OSBPL1A: variants seen among roughly 807,000 people sequenced by gnomAD.
OSBPL1A encodes the protein oxysterol binding protein like 1A, also known as oxysterol-binding protein-related protein 1.
Under a neutral mutation model 137.1 loss-of-function variants are expected in OSBPL1A, and 80 were observed. That is an observed-to-expected ratio of 0.58 (90% CI 0.49 to 0.70). OSBPL1A has a LOEUF of 0.70. OSBPL1A is among the 30% of genes least tolerant of loss of function. The pLI, the probability that OSBPL1A is intolerant of heterozygous loss-of-function variation, is 0.00. For missense variants in OSBPL1A, 970 were observed against 1,129.4 expected (o/e 0.86, Z 2.02); for synonymous variants, 365 against 389.7 (o/e 0.94, Z 0.75).
At chr18:24,394,879 C>A (rs949822544) in intron 1 of OSBPL1A, among the ~76,000 whole-genome samples, 2 of 152,112 alleles carry the variant, frequency 1.3e-5, no homozygotes, top group Admixed American at 1.3e-4. Flanking sequence ...GTAAAGTGAG[C>A]GACCTAGTTT....
At chr18:24,368,224 T>A in intron 3 of OSBPL1A, 63 bp downstream of exon 3, 1 of 1,331,220 alleles carries the variant, frequency 7.5e-7, no homozygotes, top group South Asian at 1.3e-5. Flanking sequence ...AAGACTTTCA[T>A]CTTAAAATTT....
At chr18:24,190,853 A>G (rs889971421) in intron 18 of OSBPL1A, among the ~76,000 whole-genome samples, 2 of 152,226 alleles carry the variant, frequency 1.3e-5, no homozygotes, top group Non-Finnish European at 2.9e-5. Context: ...CCCTTCTGAC[A>G]GTTACTCTGA....
At chr18:24,338,401 A>G (rs1349393366) in intron 5 of OSBPL1A, among the ~76,000 whole-genome samples, 2 of 152,078 alleles carry the variant, frequency 1.3e-5, no homozygotes, top group Admixed American at 6.6e-5. Flanking sequence ...AAATAAAAAG[A>G]CAAGATGTAG....
chr18:24,243,597 C>G (rs776574569), intron 15 of OSBPL1A, among the ~76,000 whole-genome samples: 2 of 152,174 alleles, frequency 1.3e-5, no homozygotes, highest in Non-Finnish European at 2.9e-5. Context: ...GCAATCTACC[C>G]GTTACCCACC....
rs192457061 is a variant in OSBPL1A at position 24,226,441 on chromosome 18, C to A, written c.1445-1243G>T. 3.9e-5 allele frequency among the ~76,000 whole-genome samples: 6 copies of A among 152,136 alleles called. 1 individual carries two copies. Among genetic ancestry groups the A allele is most frequent in the Admixed American group, 3.9e-4 (6 of 15,292 alleles). On this transcript the variant is annotated intron_variant, in intron 16 of 27. Transcript: ENST00000319481. Reference sequence around the variant, plus strand: ...TTTTCATTAAAATGGAAATTCACGACGACCTCCAACTTCCCATCTTAAGCA... The same window carrying A: ...TTTTCATTAAAATGGAAATTCACGAAGACCTCCAACTTCCCATCTTAAGCA...
intron 16 of OSBPL1A, among the ~76,000 whole-genome samples, chr18:24,236,447 G>A (rs2088479299): frequency 1.3e-5 from 2 of 152,154 alleles, no homozygotes; most frequent in Non-Finnish European, 2.9e-5. Flanking sequence ...TGGCTTTGAT[G>A]ATTTCAATGA....
At chr18:24,364,615 AT>A (rs560525521) in intron 4 of OSBPL1A, among the ~76,000 whole-genome samples, 1,799 of 147,686 alleles carry the variant, frequency 0.012, 14 homozygotes, top group Non-Finnish European at 0.017. Flanking sequence ...TTTTTTTTTA[AT>A]TTTTTTTTTT....
intron 24 of OSBPL1A, among the ~76,000 whole-genome samples, chr18:24,168,698 C>T (rs937507156): frequency 5.3e-5 from 8 of 152,116 alleles, no homozygotes; most frequent in East Asian, 3.8e-4. Context: ...GAGGTGACAA[C>T]GCTAATGACA....
intron 14 of OSBPL1A, among the ~76,000 whole-genome samples, chr18:24,289,365 G>A (rs2090131830): frequency 6.6e-6 from 1 of 151,180 alleles, no homozygotes; most frequent in Non-Finnish European, 1.5e-5. Context: ...AAATGTTCAG[G>A]GGTCAACACT....
In OSBPL1A at chr18:24,377,527, T is replaced by C. The variant is rs1447196945; in HGVS notation, c.7A>G (p.Thr3Ala). 1 of 1,590,872 alleles carries C rather than the reference T, an allele frequency of 6.3e-7. No homozygotes were observed. The highest frequency in any genetic ancestry group is 1.9e-5 in the Admixed American group (1 of 52,194). The stretch of plus-strand genomic sequence containing the variant: ...TGGAGAAGCTGTTGCTCCGCTTCTG[T>C]GTTCATTTCTAAATTAAGAAAATAA... The part of the protein sequence containing the change: MN[T>A]EAEQQLLHHA... The change falls in exon 2 of 28, where the codon ACA (threonine) becomes GCA (alanine). Residue 3 changes from threonine (T) to alanine (A), a missense_variant. Around this residue, in one of 2 missense-constraint regions of OSBPL1A, gnomAD observed 647 missense variants for 672.6 expected, o/e 0.96. Coordinates refer to ENST00000319481, the MANE Select transcript of OSBPL1A (RefSeq NM_080597.4).
chr18:24,331,441 G>A (rs2091075706), intron 7 of OSBPL1A, among the ~76,000 whole-genome samples: 2 of 147,258 alleles, frequency 1.4e-5, no homozygotes, highest in East Asian at 2.0e-4. Context: ...CTGTCGCCCA[G>A]GCTGGAGTGC....
At chr18:24,311,510 A>C in intron 13 of OSBPL1A, 1 of 987,210 alleles carries the variant, frequency 1.0e-6, no homozygotes, top group Non-Finnish European at 1.2e-6. Flanking sequence ...AGACTTCTCC[A>C]TTCATTAATG....
chr18:24,340,439 C>T (rs1362684756), intron 5 of OSBPL1A, among the ~76,000 whole-genome samples: 3 of 151,918 alleles, frequency 2.0e-5, no homozygotes, highest in East Asian at 1.9e-4. Flanking sequence ...TTTGGGAGGC[C>T]GAGATGGGAG....
At chr18:24,217,584 T>G (rs920914400) in intron 17 of OSBPL1A, among the ~76,000 whole-genome samples, 9 of 152,082 alleles carry the variant, frequency 5.9e-5, no homozygotes, top group Admixed American at 6.5e-5. Flanking sequence ...GATTTTCAGC[T>G]AATAAATGTA....
chr18:24,325,413 G>A (rs145953931), intron 7 of OSBPL1A, among the ~76,000 whole-genome samples: 1 of 152,170 alleles, frequency 6.6e-6, no homozygotes, highest in African/African-American at 2.4e-5. Context: ...AATGTGCCAC[G>A]TGTTCTTCTA....
chr18:24,219,855 T>C (rs916185976), intron 17 of OSBPL1A, among the ~76,000 whole-genome samples: 11 of 152,154 alleles, frequency 7.2e-5, no homozygotes, highest in Non-Finnish European at 2.9e-5. Context: ...TTCTCATGAA[T>C]CTAGACTCAG....
chr18:24,171,379 A>T, intron 23 of OSBPL1A, 30 bp downstream of exon 23: 1 of 1,506,526 alleles, frequency 6.6e-7, no homozygotes, highest in Non-Finnish European at 9.2e-7. Flanking sequence ...CAAAATCTAT[A>T]CTATTCAACA....
At chr18:24,331,100 T>G (rs1276744957) in intron 7 of OSBPL1A, among the ~76,000 whole-genome samples, 2 of 152,038 alleles carry the variant, frequency 1.3e-5, no homozygotes, top group Non-Finnish European at 2.9e-5. Flanking sequence ...CCTGTGAAAC[T>G]ATTTCTAATG....
intron 15 of OSBPL1A, among the ~76,000 whole-genome samples, chr18:24,242,719 AT>A (rs1343532485): frequency 6.6e-6 from 1 of 152,100 alleles, no homozygotes; most frequent in Non-Finnish European, 1.5e-5. Context: ...CAGGCAGATT[AT>A]TATTATTACA....
Sources: gnomAD v4.1 joint callset for allele counts (sites outside exome capture counted in the v4.1 genomes callset) on GRCh38, gnomAD v4.1.1 for gene constraint, gnomAD v4.1.1 regional missense constraint, MANE v1.5 for transcripts, NCBI Gene and HGNC (gene_info 2026-07-23, HGNC 2026-07-21) for gene names.